The following IQSEC1 variants were observed in gnomAD, a reference collection of about 807,000 sequenced individuals.
IQSEC1 encodes IQ motif and Sec7 domain ArfGEF 1.
In IQSEC1, 31 loss-of-function variants were observed where a neutral mutation model predicts 91.0. That is an observed-to-expected ratio of 0.34 (90% confidence interval 0.26 to 0.46). The LOEUF is 0.46. Ranked by LOEUF, IQSEC1 falls within the 20% of genes least tolerant of loss-of-function variation. The probability of loss-of-function intolerance (pLI) is 1.00; values close to 1 mark genes in which losing one functional copy is unlikely to be tolerated. For synonymous variants in IQSEC1, 699 were observed against 662.6 expected, an observed-to-expected ratio of 1.05 and a Z score of -0.84; for missense variants, 1,388 against 1,575.6, an observed-to-expected ratio of 0.88 and a Z score of 2.02.
intron 1 of IQSEC1, among the ~76,000 whole-genome samples, chr3:12,949,509 C>T (rs1223701240): frequency 6.6e-6 from 1 of 152,244 alleles, no homozygotes; most frequent in Non-Finnish European, 1.5e-5. Context: ...CGCCTCCAGG[C>T]CTCATGGCTT....
chr3:13,154,039 G>A (rs540493905), intron 2 of IQSEC1, among the ~76,000 whole-genome samples: 4 of 152,066 alleles, frequency 2.6e-5, no homozygotes, highest in Admixed American at 6.5e-5. Context: ...AATCGAGGAC[G>A]GATTTTAAGG....
chr3:13,014,809 C>G (rs146547708), intron 1 of IQSEC1, among the ~76,000 whole-genome samples: 220 of 152,260 alleles, frequency 1.4e-3, no homozygotes, highest in African/African-American at 5.0e-3. Context: ...CGCTCCCAGC[C>G]CCAGGGATCT....
chr3:13,000,592 C>T (rs1702380461), intron 1 of IQSEC1, among the ~76,000 whole-genome samples: 1 of 152,224 alleles, frequency 6.6e-6, no homozygotes, highest in Non-Finnish European at 1.5e-5. Flanking sequence ...CACTGCTTTA[C>T]TAGGACGAGC....
At chr3:12,986,613 T>C (rs1055901502) in intron 1 of IQSEC1, among the ~76,000 whole-genome samples, 1 of 152,152 alleles carries the variant, frequency 6.6e-6, no homozygotes, top group African/African-American at 2.4e-5. Flanking sequence ...AGGTCGGTCC[T>C]CTACTGGCTG....
In IQSEC1 at chr3:12,897,948, A is replaced by G. The variant is rs1041847192; in HGVS notation, c.*3035T>C. The G allele has an allele frequency of 6.6e-6, 1 of 152,274 alleles. No homozygotes were observed. The highest frequency in any genetic ancestry group is 2.4e-5 in the African/African-American group (1 of 41,470). 9.4% of individuals were successfully genotyped at this position (152,274 alleles called of 1,614,324 possible). A position where few individuals can be genotyped will look rare whatever the true frequency, so the allele number is the denominator to read the frequency against. ...TTGGTAAACTTAAAAAAATACAAAT[A>G]CATGATTTGATTGTTGTCCCAGAAA... is the stretch of plus-strand genomic sequence containing the variant. On this transcript the variant is annotated 3_prime_UTR_variant, in exon 14 of 14. Transcript: ENST00000613206.
intron 1 of IQSEC1, among the ~76,000 whole-genome samples, chr3:13,057,868 C>G (rs1487180880): frequency 6.6e-6 from 1 of 152,234 alleles, no homozygotes; most frequent in East Asian, 1.9e-4. Context: ...CACTCAGCAA[C>G]TACATGAAAG....
In IQSEC1 at chr3:12,902,944, G is replaced by A. The variant is rs1271649689; in HGVS notation, c.2756-122C>T. The A allele has an allele frequency of 5.6e-5, 42 of 753,682 alleles. No individual in the cohort carries two copies. The South Asian group carries it at 6.0e-4, about 11-fold the overall frequency. The allele number at this position is 753,682 out of a possible 1,614,324, so 46.7% of individuals were successfully genotyped here. The stretch of plus-strand genomic sequence containing the variant: ...TGCTGGGAGCAGGCACAGGTGCCGG[G>A]CCCACCTGCCCGCAGGAGCCAGGTG... On this transcript the variant is annotated intron_variant, in intron 12 of 13. Transcript: ENST00000613206.
chr3:13,281,609 A>T (rs1415532970), intron 1 of IQSEC1, among the ~76,000 whole-genome samples: 1 of 152,166 alleles, frequency 6.6e-6, no homozygotes, highest in Non-Finnish European at 1.5e-5. Flanking sequence ...CAGTCGCTGC[A>T]GCCCCCCTGG....
At chr3:13,071,642 C>T (rs1025083625) in intron 1 of IQSEC1, among the ~76,000 whole-genome samples, 2 of 152,190 alleles carry the variant, frequency 1.3e-5, no homozygotes, top group Non-Finnish European at 1.5e-5. Flanking sequence ...CTGCTCGCAT[C>T]GACAAACCAA....
At chr3:13,231,272 T>C (rs757771173) in intron 1 of IQSEC1, among the ~76,000 whole-genome samples, 2 of 152,170 alleles carry the variant, frequency 1.3e-5, no homozygotes, top group African/African-American at 2.4e-5. Flanking sequence ...CCCGTGCGTG[T>C]GTGTGTCTGT....
intron 3 of IQSEC1, among the ~76,000 whole-genome samples, chr3:12,929,690 T>C (rs1697495388): frequency 6.6e-6 from 1 of 152,160 alleles, no homozygotes; most frequent in Admixed American, 6.5e-5. Flanking sequence ...TGTATACCCG[T>C]TACTCTTTCT....
At chr3:13,149,538 G>A (rs1053294937) in intron 2 of IQSEC1, among the ~76,000 whole-genome samples, 3 of 152,200 alleles carry the variant, frequency 2.0e-5, no homozygotes, top group South Asian at 2.1e-4. Context: ...GGGTGTCCCC[G>A]GGGGAGGACG....
chr3:13,208,524 C>T (rs181123836), intron 1 of IQSEC1, among the ~76,000 whole-genome samples: 2 of 152,262 alleles, frequency 1.3e-5, no homozygotes, highest in Admixed American at 1.3e-4. Flanking sequence ...TTTTATCTCC[C>T]CAGAGCCCAA....
chr3:13,243,281 A>C (rs1208012338), intron 1 of IQSEC1, among the ~76,000 whole-genome samples: 1 of 152,004 alleles, frequency 6.6e-6, no homozygotes, highest in Non-Finnish European at 1.5e-5. Context: ...CCAAGCTTTG[A>C]GGGAGGGGAG....
intron 1 of IQSEC1, among the ~76,000 whole-genome samples, chr3:13,044,705 G>C (rs769025296): frequency 6.6e-6 from 1 of 152,126 alleles, no homozygotes; most frequent in Non-Finnish European, 1.5e-5. Context: ...CCACACTCCT[G>C]GAGAAGGACA....
intron 1 of IQSEC1, among the ~76,000 whole-genome samples, chr3:13,046,483 T>C (rs1391325016): frequency 6.6e-6 from 1 of 152,220 alleles, no homozygotes; most frequent in East Asian, 1.9e-4. Context: ...CCTTCCTGTA[T>C]AGCATCTGCT....
At chr3:12,929,369 AG>A (rs1311188776) in intron 3 of IQSEC1, among the ~76,000 whole-genome samples, 1 of 152,212 alleles carries the variant, frequency 6.6e-6, no homozygotes, top group Non-Finnish European at 1.5e-5. Flanking sequence ...TTCAGCTGGA[AG>A]GGGCAGAAGG....
chr3:13,222,881 C>T (rs1286421601), intron 1 of IQSEC1, among the ~76,000 whole-genome samples: 1 of 152,196 alleles, frequency 6.6e-6, no homozygotes, highest in Non-Finnish European at 1.5e-5. Flanking sequence ...ACTGGCTGGT[C>T]CCCCATGGCA....
chr3:13,107,062 G>C lies in IQSEC1; in HGVS notation c.302+57042C>G, dbSNP rs557605517. On this transcript the variant is annotated intron_variant, in intron 2 of 15. Coordinates refer to the IQSEC1 transcript ENST00000648114. ...CAGTGAACTTGTGAGACACCACAAA[G>C]CTGGCAGAACCCTGGCCGTATCTCA... 3.5e-4 allele frequency among the ~76,000 whole-genome samples: 54 copies of C among 152,342 alleles called. No individual in the cohort carries two copies. The South Asian group carries it at 1.0e-2, about 28-fold the overall frequency.
Sources: allele counts gnomAD v4.1 joint callset (sites outside exome capture counted in the v4.1 genomes callset), GRCh38; gene constraint gnomAD v4.1.1; transcripts MANE v1.5; gene names NCBI Gene and HGNC (gene_info 2026-07-23, HGNC 2026-07-21).